Variants in TLDC2 observed in about 807,000 individuals in gnomAD.
The protein encoded by TLDC2 is TLD domain-containing protein 2.
A neutral mutation model predicts 27.9 loss-of-function variants in TLDC2; 23 were observed. The ratio of observed to expected loss-of-function variants is 0.82; its 90% CI spans 0.59 to 1.17. TLDC2 has a LOEUF of 1.17. TLDC2 is among the 50% of genes most tolerant of loss of function. TLDC2 has a pLI of 0.00. For synonymous variants in TLDC2, 124 were observed against 107.4 expected (o/e 1.16, Z -0.96); for missense variants, 286 against 273.4 (o/e 1.05, Z -0.32).
intron 6 of TLDC2, chr20:36,889,856 C>G (rs1046686861): frequency 2.0e-5 from 3 of 152,996 alleles, no homozygotes; most frequent in East Asian, 1.9e-4. Flanking sequence ...AAAATTCAAC[C>G]CCCCCCAACT....
rs1568753763 is a variant in TLDC2, at chr20:36,889,316, T to G, written c.578T>G (p.Phe193Cys). 2 of 1,614,062 alleles carry G rather than the reference T, an allele frequency of 1.2e-6. No individual in the cohort carries two copies. The highest frequency in any genetic ancestry group is 1.6e-4 in the Middle Eastern group (1 of 6,084). The change falls in exon 6 of 7, where the codon TTC becomes TGC. Residue 193 changes from phenylalanine to cysteine, a missense_variant. Phe to Cys is a radical substitution (Grantham distance 205). Coordinates refer to ENST00000217320, the MANE Select transcript of TLDC2 (RefSeq NM_080628.3). Reference protein sequence around the residue: ...FRGGSSPCPTFNNEVLARQEQ... With the variant: ...FRGGSSPCPTCNNEVLARQEQ... ...GGGGGAAGCTCCCCTTGCCCGACCT[T>G]CAACAACGAGGTGCTGGCCCGGCAG...
At chr20:36,887,653 T>A (rs1989952497) in intron 5 of TLDC2, 125 bp downstream of exon 5, 7 of 889,176 alleles carry the variant, frequency 7.9e-6, no homozygotes, top group Non-Finnish European at 1.3e-5. Flanking sequence ...CTCAGGCCGT[T>A]CCCCTCATTG....
intron 3 of TLDC2, among the ~76,000 whole-genome samples, chr20:36,880,073 A>ATATATATATATATATATATG (rs1779649719): frequency 2.5e-4 from 10 of 40,574 alleles, no homozygotes; most frequent in African/African-American, 6.0e-4. Flanking sequence ...ATATATACAT[A>ATATATATATATATATATATG]TATATATATA....
chr20:36,891,694 C>CTT, intron 6 of TLDC2: 1 of 148,572 alleles, frequency 6.7e-6, no homozygotes, highest in East Asian at 2.0e-4. Context: ...AGTGTTTGTG[C>CTT]TTTTTTTTTT....
Position 36,893,784 on chromosome 20 carries a change from A to G in TLDC2, c.*940A>G. 1 of 397,594 alleles carries G rather than the reference A, an allele frequency of 2.5e-6. No individual in the cohort carries two copies. Among genetic ancestry groups the G allele is most frequent in the Non-Finnish European group, 4.4e-6 (1 of 225,672 alleles). 24.6% of individuals were successfully genotyped at this position (397,594 alleles called of 1,614,324 possible). A position where few individuals can be genotyped will look rare whatever the true frequency, so the allele number is the denominator to read the frequency against. ...GCTGGTGGGAGGATTCGTGCTCCTC[A>G]TCTGCTTATTTGCTCTCAGATCCAT... is the stretch of plus-strand genomic sequence containing the variant. On this transcript the variant is annotated 3_prime_UTR_variant, in exon 7 of 7. Transcript: ENST00000217320.
chr20:36,882,355 A>G (rs1261161944), intron 4 of TLDC2, among the ~76,000 whole-genome samples: 4 of 152,024 alleles, frequency 2.6e-5, no homozygotes, highest in Non-Finnish European at 5.9e-5. Flanking sequence ...CCAGCCTGGC[A>G]ACAGAGCAAG....
intron 4 of TLDC2, among the ~76,000 whole-genome samples, chr20:36,883,060 GGTCTC>G (rs1989848439): frequency 6.6e-6 from 1 of 151,844 alleles, no homozygotes; most frequent in African/African-American, 2.4e-5. Context: ...GTATGCTGAG[GGTCTC>G]TTCCCTGGAC....
Position 36,892,872 on chromosome 20 carries a change from T to C in TLDC2, c.*28T>C, listed in dbSNP as rs45595032. The C allele has an allele frequency of 5.4e-3, 8,697 of 1,600,802 alleles. 39 individuals carry two copies. The highest frequency in any genetic ancestry group is 6.2e-3 in the Non-Finnish European group (7,249 of 1,167,890). On this transcript the variant is annotated 3_prime_UTR_variant, in exon 7 of 7. Transcript: ENST00000217320. ...GTCATTAATTTGCAGAATTCTATGA[T>C]TGAAGCCTCTAAATGAATTGTGCAG...
intron 4 of TLDC2, 133 bp from the exon 5 acceptor site, chr20:36,887,322 G>C (rs1989942133): frequency 1.3e-6 from 1 of 763,446 alleles, no homozygotes; most frequent in Non-Finnish European, 2.4e-6. Flanking sequence ...TGAGCCCGGA[G>C]TCCCACCTGC....
intron 5 of TLDC2, 142 bp from the exon 6 acceptor site, chr20:36,889,109 A>G: frequency 9.8e-7 from 1 of 1,023,862 alleles, no homozygotes; most frequent in East Asian, 2.5e-5. Context: ...CCAATAATTC[A>G]GTATAAATTG....
intron 4 of TLDC2, among the ~76,000 whole-genome samples, chr20:36,884,015 A>G (rs1271120437): frequency 6.6e-6 from 1 of 152,094 alleles, no homozygotes; most frequent in Admixed American, 6.6e-5. Context: ...AATCTCTTGA[A>G]CCCGGGAGGT....
Position 36,885,516 on chromosome 20 carries a change from G to C in TLDC2, c.439-1939G>C, listed in dbSNP as rs77721170. On this transcript the variant is annotated intron_variant, in intron 4 of 6. Transcript: ENST00000217320. ...TGGTCTCAATTCCTTCCACAGCAAC[G>C]TGTATCTTACTCCTTCAGGTCAAAG... Among the ~76,000 whole-genome samples the C allele has an allele frequency of 3.9e-5, 6 of 152,266 alleles. No homozygotes were observed. The East Asian group carries it at 1.2e-3, about 29-fold the overall frequency.
intron 4 of TLDC2, among the ~76,000 whole-genome samples, chr20:36,884,019 G>C (rs1009018498): frequency 4.6e-5 from 7 of 152,128 alleles, no homozygotes; most frequent in African/African-American, 1.7e-4. Flanking sequence ...TCTTGAACCC[G>C]GGAGGTGGAG....
chr20:36,883,180 G>C (rs1601098526), intron 4 of TLDC2, among the ~76,000 whole-genome samples: 1 of 148,564 alleles, frequency 6.7e-6, no homozygotes, highest in Admixed American at 6.8e-5. Flanking sequence ...TCTGTCACCC[G>C]GGCTGGAGGG....
rs768687184 is a variant in TLDC2, at chr20:36,879,031, C to T, written c.190-10C>T. On this transcript the variant is annotated splice_polypyrimidine_tract_variant and intron_variant, in intron 2 of 6. Transcript: ENST00000217320. ...AGAACTCCTCCATTCACCTCCAACC[C>T]TGTCCCCAGCTCAGCTTTCACTTCC... is the stretch of plus-strand genomic sequence containing the variant. 6.2e-7 allele frequency: 1 copy of T among 1,614,210 alleles called. No homozygotes were observed. Among genetic ancestry groups the T allele is most frequent in the East Asian group, 2.2e-5 (1 of 44,890 alleles).
At chr20:36,880,269 T>C (rs1335430070) in intron 3 of TLDC2, among the ~76,000 whole-genome samples, 2 of 151,410 alleles carry the variant, frequency 1.3e-5, no homozygotes, top group East Asian at 1.9e-4. Context: ...AATTTTTGTA[T>C]GTTTAGTAGA....
In TLDC2 at chr20:36,876,149, A is replaced by ACGGC. The variant is rs1199804173; in HGVS notation, c.-21_-18dup. The ACGGC allele has an allele frequency of 1.2e-6, 2 of 1,613,928 alleles. No individual in the cohort carries two copies. The highest frequency in any genetic ancestry group is 1.7e-6 in the Non-Finnish European group (2 of 1,179,936). On this transcript the variant is annotated 5_prime_UTR_variant, in exon 1 of 7. Transcript: ENST00000217320. ...AGGGCTGAGGATTCACTCACTGCCC[A>ACGGC]CGGCCGGCTGAGCAGGGACAGGAGA...
intron 4 of TLDC2, among the ~76,000 whole-genome samples, chr20:36,881,099 G>A (rs1178526066): frequency 3.9e-5 from 6 of 152,126 alleles, no homozygotes; most frequent in Non-Finnish European, 5.9e-5. Flanking sequence ...GGAAGTATGG[G>A]GGCCAGGCAC....
intron 5 of TLDC2, 83 bp from the exon 6 acceptor site, chr20:36,889,168 G>T: frequency 6.4e-7 from 1 of 1,565,030 alleles, no homozygotes; most frequent in Non-Finnish European, 8.7e-7. Flanking sequence ...TCCTGGCATG[G>T]CCAAGAGCTG....
Sources: allele counts gnomAD v4.1 joint callset (sites outside exome capture counted in the v4.1 genomes callset), GRCh38; gene constraint gnomAD v4.1.1; transcripts MANE v1.5; gene names NCBI Gene and HGNC (gene_info 2026-07-23, HGNC 2026-07-21).